DENND4C: variants seen among roughly 807,000 people sequenced by gnomAD.
DENND4C encodes DENN domain-containing protein 4C.
A neutral mutation model predicts 203.0 loss-of-function variants in DENND4C; 108 were observed. That is an observed-to-expected ratio of 0.53 (90% confidence interval 0.46 to 0.62). DENND4C has a LOEUF of 0.62. Among genes scored for constraint, DENND4C ranks in the 20% least tolerant of loss-of-function variants. The pLI, the probability that DENND4C is intolerant of heterozygous loss-of-function variation, is 0.00. For missense variants in DENND4C, 2,481 were observed against 2,301.2 expected (o/e 1.08, Z -1.60); for synonymous variants, 871 against 792.4 (o/e 1.10, Z -1.67).
At chr9:19,285,002 G>A (rs986284792) in intron 2 of DENND4C, among the ~76,000 whole-genome samples, 6 of 152,108 alleles carry the variant, frequency 3.9e-5, no homozygotes, top group Admixed American at 1.3e-4. Flanking sequence ...AATTCCTTAT[G>A]TTTAGATCTG....
intron 5 of DENND4C, among the ~76,000 whole-genome samples, chr9:19,293,768 T>C (rs1284412740): frequency 6.6e-6 from 1 of 152,232 alleles, no homozygotes; most frequent in South Asian, 2.1e-4. Flanking sequence ...GAGAGCATCA[T>C]GCCACTTACA....
intron 1 of DENND4C, among the ~76,000 whole-genome samples, chr9:19,237,413 G>A (rs954598164): frequency 1.3e-5 from 2 of 151,006 alleles, no homozygotes; most frequent in South Asian, 2.1e-4. Context: ...GTGTAGTGGC[G>A]TGATCTCGGC....
chr9:19,362,550 TACACAC>T (rs34768811), intron 30 of DENND4C, among the ~76,000 whole-genome samples: 2 of 150,696 alleles, frequency 1.3e-5, no homozygotes, highest in African/African-American at 4.9e-5. Context: ...AAAAAAAAAG[TACACAC>T]ACACACACAC....
At chr9:19,240,714 C>T (rs990515837) in intron 1 of DENND4C, among the ~76,000 whole-genome samples, 1 of 151,572 alleles carries the variant, frequency 6.6e-6, no homozygotes, top group Non-Finnish European at 1.5e-5. Context: ...CACCTGTAAT[C>T]CCAGCACTTT....
chr9:19,371,181 A>C (rs1412272424), intron 31 of DENND4C, among the ~76,000 whole-genome samples: 2 of 152,202 alleles, frequency 1.3e-5, no homozygotes, highest in African/African-American at 4.8e-5. Flanking sequence ...TTAACAACTG[A>C]GTCATGAAGC....
chr9:19,230,917 G>C (rs895717845), intron 1 of DENND4C, 84 bp downstream of exon 1: 2 of 152,312 alleles, frequency 1.3e-5, no homozygotes, highest in Non-Finnish European at 2.9e-5. Flanking sequence ...GGGAGGGCGC[G>C]GGACAGGTAG....
chr9:19,289,509 G>A (rs1235272454), intron 4 of DENND4C, among the ~76,000 whole-genome samples: 1 of 152,030 alleles, frequency 6.6e-6, no homozygotes, highest in Non-Finnish European at 1.5e-5. Flanking sequence ...AACGACTAAC[G>A]TATAAAATTC....
At chr9:19,296,383 G>C in intron 6 of DENND4C, 137 bp downstream of exon 6, 1 of 510,032 alleles carries the variant, frequency 2.0e-6, no homozygotes, top group South Asian at 2.2e-5. Flanking sequence ...TTTTTTTTTT[G>C]AGATGGAGTA....
At chr9:19,238,344 A>G (rs1347586655) in intron 1 of DENND4C, among the ~76,000 whole-genome samples, 2 of 151,640 alleles carry the variant, frequency 1.3e-5, no homozygotes, top group East Asian at 3.9e-4. Context: ...GGCCTCCCAA[A>G]GTGCTGAGAT....
intron 23 of DENND4C, among the ~76,000 whole-genome samples, chr9:19,348,591 C>T (rs577979252): frequency 1.8e-4 from 27 of 151,396 alleles, no homozygotes; most frequent in Non-Finnish European, 2.9e-4. Flanking sequence ...GAATTAGAGA[C>T]GTGGGAAAAA....
intron 12 of DENND4C, 144 bp from the exon 13 acceptor site, chr9:19,324,218 A>C (rs1843347543): frequency 8.0e-6 from 4 of 499,056 alleles, no homozygotes; most frequent in Non-Finnish European, 9.5e-6. Flanking sequence ...AGAGATACTC[A>C]ACCTATAGAA....
chr9:19,298,817 T>C (rs2131294070), intron 7 of DENND4C, among the ~76,000 whole-genome samples: 1 of 152,270 alleles, frequency 6.6e-6, no homozygotes, highest in South Asian at 2.1e-4. Context: ...ACATTATGTA[T>C]GGTGGGATTA....
intron 12 of DENND4C, among the ~76,000 whole-genome samples, chr9:19,319,433 C>T (rs1309292777): frequency 1.4e-5 from 2 of 141,788 alleles, no homozygotes; most frequent in South Asian, 4.5e-4. Context: ...TATATATATA[C>T]ACACATATAT....
chr9:19,343,064 AGT>A (rs1200182868), intron 22 of DENND4C, among the ~76,000 whole-genome samples: 1 of 152,160 alleles, frequency 6.6e-6, no homozygotes, highest in Non-Finnish European at 1.5e-5. Flanking sequence ...ATAATAAGAA[AGT>A]GTACTTTTAG....
At chr9:19,313,697 A>G (rs1000006132) in intron 10 of DENND4C, among the ~76,000 whole-genome samples, 1 of 152,234 alleles carries the variant, frequency 6.6e-6, no homozygotes, top group African/African-American at 2.4e-5. Context: ...GTTTATCCTT[A>G]CAGAGAGGAT....
chr9:19,291,582 G>C (rs896738558), intron 5 of DENND4C: 1 of 152,086 alleles, frequency 6.6e-6, no homozygotes, highest in African/African-American at 2.4e-5. Context: ...GTACACGCCT[G>C]TAATCCTGGC....
At chr9:19,230,963 G>C (rs1820374047) in intron 1 of DENND4C, 130 bp downstream of exon 1, 1 of 152,352 alleles carries the variant, frequency 6.6e-6, no homozygotes, top group Non-Finnish European at 1.5e-5. Flanking sequence ...GCTGGCCCGC[G>C]GGGGGTCGCC....
intron 23 of DENND4C, among the ~76,000 whole-genome samples, chr9:19,350,472 A>G (rs1182459184): frequency 6.6e-6 from 1 of 152,120 alleles, no homozygotes. Flanking sequence ...GACCTCCCAC[A>G]TACACCTGAG....
intron 12 of DENND4C, among the ~76,000 whole-genome samples, chr9:19,318,942 G>T (rs916750827): frequency 6.6e-6 from 1 of 152,104 alleles, no homozygotes; most frequent in Non-Finnish European, 1.5e-5. Flanking sequence ...GCCAAGGCAG[G>T]CTGATCACCT....
Sources: allele counts gnomAD v4.1 joint callset (sites outside exome capture counted in the v4.1 genomes callset), GRCh38; gene constraint gnomAD v4.1.1; transcripts MANE v1.5; gene names NCBI Gene and HGNC (gene_info 2026-07-23, HGNC 2026-07-21).